Variants in EPHA6 observed in about 807,000 individuals in gnomAD.
The protein encoded by EPHA6 is ephrin type-A receptor 6.
In EPHA6, 50 loss-of-function variants were observed where a neutral mutation model predicts 112.0. The observed-to-expected ratio is 0.45, with a 90% CI of 0.36 to 0.56. EPHA6 has a LOEUF of 0.56. EPHA6 is among the 20% of genes least tolerant of loss of function. The pLI is 0.00. For synonymous variants in EPHA6, 529 were observed against 490.7 expected, an observed-to-expected ratio of 1.08 and a Z score of -1.03; for missense variants, 1,280 against 1,417.4, an observed-to-expected ratio of 0.90 and a Z score of 1.56.
intron 14 of EPHA6, among the ~76,000 whole-genome samples, chr3:97,654,937 G>T (rs2094128782): frequency 6.6e-6 from 1 of 151,538 alleles, no homozygotes. Flanking sequence ...GATTTACAGA[G>T]AGGAGGGGAG....
chr3:97,374,702 T>G (rs984659681), intron 5 of EPHA6, among the ~76,000 whole-genome samples: 4 of 152,098 alleles, frequency 2.6e-5, no homozygotes, highest in African/African-American at 9.7e-5. Context: ...TGTCTATTAT[T>G]CCCATCTTTA....
chr3:97,153,983 T>G (rs574139517), intron 3 of EPHA6, among the ~76,000 whole-genome samples: 15 of 152,030 alleles, frequency 9.9e-5, no homozygotes, highest in African/African-American at 3.6e-4. Context: ...CTGCCCAACA[T>G]GGCGAAATCC....
chr3:96,869,071 ACTTG>A (rs1174750231), intron 2 of EPHA6, among the ~76,000 whole-genome samples: 2 of 152,062 alleles, frequency 1.3e-5, no homozygotes, highest in African/African-American at 2.4e-5. Flanking sequence ...TTTCTAAAAC[ACTTG>A]CTTATCAATT....
At chr3:97,317,341 A>G (rs2081891984) in intron 5 of EPHA6, among the ~76,000 whole-genome samples, 1 of 152,142 alleles carries the variant, frequency 6.6e-6, no homozygotes, top group African/African-American at 2.4e-5. Context: ...GATACTACAT[A>G]ACTATAAGTT....
intron 5 of EPHA6, among the ~76,000 whole-genome samples, chr3:97,301,890 A>G (rs920007744): frequency 7.2e-5 from 11 of 152,102 alleles, no homozygotes; most frequent in African/African-American, 2.4e-4. Context: ...TGAGCAACAC[A>G]TAGCTTATTT....
chr3:97,155,064 T>G (rs1044880545), intron 3 of EPHA6, among the ~76,000 whole-genome samples: 12 of 152,144 alleles, frequency 7.9e-5, no homozygotes, highest in South Asian at 2.1e-4. Context: ...TTATGTGGGG[T>G]TTTTTTGCAA....
At chr3:97,613,204 C>T (rs553315613) in intron 13 of EPHA6, among the ~76,000 whole-genome samples, 1 of 152,030 alleles carries the variant, frequency 6.6e-6, no homozygotes, top group Admixed American at 6.6e-5. Context: ...ATAGCAGATA[C>T]TCAACTCCCC....
At chr3:97,214,033 G>C (rs1325718641) in intron 3 of EPHA6, among the ~76,000 whole-genome samples, 2 of 144,700 alleles carry the variant, frequency 1.4e-5, no homozygotes, top group Non-Finnish European at 1.5e-5. Flanking sequence ...GTGTGTGTGT[G>C]TGTGTGAGAG....
chr3:97,132,983 A>G (rs1390507206), intron 3 of EPHA6, among the ~76,000 whole-genome samples: 1 of 152,084 alleles, frequency 6.6e-6, no homozygotes, highest in African/African-American at 2.4e-5. Context: ...TTACAGCATA[A>G]CAGTGCTAAA....
chr3:97,666,479 T>G (rs780070002), intron 14 of EPHA6, among the ~76,000 whole-genome samples: 5 of 152,192 alleles, frequency 3.3e-5, no homozygotes, highest in African/African-American at 7.2e-5. Flanking sequence ...CTCTCCTAGT[T>G]TCTGGTGGTT....
chr3:97,003,346 G>T (rs1457498184), intron 3 of EPHA6, among the ~76,000 whole-genome samples: 1 of 152,102 alleles, frequency 6.6e-6, no homozygotes, highest in African/African-American at 2.4e-5. Context: ...GACCTCAGGT[G>T]ATCCTCCCAC....
chr3:96,938,069 T>C (rs926371568), intron 2 of EPHA6, among the ~76,000 whole-genome samples: 1 of 151,788 alleles, frequency 6.6e-6, no homozygotes, highest in Non-Finnish European at 1.5e-5. Flanking sequence ...TCTTTTGGCT[T>C]AGGATTGACT....
intron 3 of EPHA6, among the ~76,000 whole-genome samples, chr3:97,041,853 C>G (rs936616696): frequency 2.0e-5 from 3 of 151,960 alleles, no homozygotes; most frequent in Non-Finnish European, 4.4e-5. Flanking sequence ...CACTATCATG[C>G]GAACAGCAAG....
chr3:96,960,353 G>C (rs920183134), intron 2 of EPHA6, among the ~76,000 whole-genome samples: 2 of 152,100 alleles, frequency 1.3e-5, no homozygotes, highest in Non-Finnish European at 2.9e-5. Context: ...GCCGGTTCCA[G>C]AGATCTCTGT....
chr3:97,309,084 AT>A (rs1225835110), intron 5 of EPHA6, among the ~76,000 whole-genome samples: 4 of 151,772 alleles, frequency 2.6e-5, no homozygotes, highest in African/African-American at 9.7e-5. Flanking sequence ...TGTGGTCTTT[AT>A]TTTGTATATG....
chr3:97,635,457 A>C (rs1410606401), intron 13 of EPHA6, among the ~76,000 whole-genome samples: 8 of 152,290 alleles, frequency 5.3e-5, no homozygotes, highest in Middle Eastern at 3.4e-3. Flanking sequence ...AAAGAGTAGA[A>C]ATTATCCAGC....
intron 2 of EPHA6, among the ~76,000 whole-genome samples, chr3:96,980,079 G>T (rs1319293676): frequency 6.6e-6 from 1 of 152,086 alleles, no homozygotes; most frequent in Non-Finnish European, 1.5e-5. Context: ...GTCAATTTTG[G>T]CTTTTGTGGC....
intron 14 of EPHA6, chr3:97,648,636 C>T: frequency 1.8e-6 from 2 of 1,100,332 alleles, no homozygotes; most frequent in Non-Finnish European, 2.2e-6. Context: ...GGAGATCATG[C>T]TTAACCTTTT....
intron 4 of EPHA6, among the ~76,000 whole-genome samples, chr3:97,243,592 G>T (rs2078908445): frequency 6.6e-6 from 1 of 151,436 alleles, no homozygotes; most frequent in Non-Finnish European, 1.5e-5. Flanking sequence ...TTTGAAAATG[G>T]TGATATAATT....
Sources: allele counts gnomAD v4.1 joint callset (sites outside exome capture counted in the v4.1 genomes callset), GRCh38; gene constraint gnomAD v4.1.1; transcripts MANE v1.5; gene names NCBI Gene and HGNC (gene_info 2026-07-23, HGNC 2026-07-21).